The following PNPLA7 variants were observed in gnomAD, a reference collection of about 807,000 sequenced individuals.
PNPLA7 encodes the protein patatin-like phospholipase domain-containing protein 7.
In PNPLA7, 153 loss-of-function variants were observed where a neutral mutation model predicts 161.7. The ratio of observed to expected loss-of-function variants is 0.95; its 90% CI spans 0.83 to 1.08. The LOEUF is 1.08. PNPLA7 is among the 50% of genes least tolerant of loss of function. The probability of loss-of-function intolerance (pLI) is 0.00; values close to 1 mark genes in which losing one functional copy is unlikely to be tolerated. For missense variants in PNPLA7, 1,739 were observed against 1,856.6 expected (o/e 0.94, Z 1.16); for synonymous variants, 809 against 782.1 (o/e 1.03, Z -0.57).
At position 137,543,584 on chromosome 9, in the gene PNPLA7, A is replaced by G. The variant is rs758495655; in HGVS notation, c.366-12T>C. The G allele has an allele frequency of 1.2e-6, 2 of 1,609,528 alleles. No individual in the cohort carries two copies. Among genetic ancestry groups the G allele is most frequent in the African/African-American group, 2.7e-5 (2 of 74,862 alleles). On this transcript the variant is annotated splice_polypyrimidine_tract_variant and intron_variant, in intron 5 of 34. Transcript: ENST00000406427. This position sits in a 1 kb window ranked among gnomAD's most constrained non-coding sequence, Gnocchi z 6.9. ...TGAAACGCAGAATCCTACAAGGCAG[A>G]GACACACTAGCCTTGAGCAGACCAG...
rs1419319675 is a variant in PNPLA7, at chr9:137,524,759, G to A, written c.748-1902C>T. ...AACGAGTTTCCGTGGATGCCCCGTG[G>A]AATGAGTTTCCGTGGATGCCCCGTG... On this transcript the variant is annotated intron_variant, in intron 8 of 34. Coordinates refer to ENST00000406427, the MANE Select transcript of PNPLA7 (RefSeq NM_001098537.3). The surrounding 1 kb of genome is among the most constrained non-coding windows in gnomAD (Gnocchi z 4.4). 1.3e-5 allele frequency among the ~76,000 whole-genome samples: 2 copies of A among 152,090 alleles called. No individual in the cohort carries two copies. The highest frequency in any genetic ancestry group is 2.9e-5 in the Non-Finnish European group (2 of 68,016).
In PNPLA7 at chr9:137,547,255, A is replaced by T. The variant is rs1045443530; in HGVS notation, c.193+54T>A. ...CCAGGGGCTCAAAACACATCCCAAG[A>T]CACCCACGCTTTCCCCCAACCCCCC... On this transcript the variant is annotated intron_variant, in intron 3 of 34. Transcript: ENST00000406427. The surrounding 1 kb of genome is among the most constrained non-coding windows in gnomAD (Gnocchi z 4.6). The T allele has an allele frequency of 8.4e-6, 13 of 1,542,408 alleles. No homozygotes were observed. Among genetic ancestry groups the T allele is most frequent in the Non-Finnish European group, 1.2e-5 (13 of 1,116,322 alleles).
At chr9:137,470,920 C>T (rs1449239969) in intron 25 of PNPLA7, among the ~76,000 whole-genome samples, 1 of 152,226 alleles carries the variant, frequency 6.6e-6, no homozygotes, top group African/African-American at 2.4e-5. Flanking sequence ...TAAAAGGGAA[C>T]TTCCTCAGTC....
intron 8 of PNPLA7, among the ~76,000 whole-genome samples, chr9:137,532,251 A>C (rs997002111): frequency 6.6e-6 from 1 of 152,218 alleles, no homozygotes; most frequent in African/African-American, 2.4e-5. Context: ...AGCCTGGCCA[A>C]CATGGTGAAA....
chr9:137,536,724 G>C (rs1270428346), intron 8 of PNPLA7, among the ~76,000 whole-genome samples: 1 of 152,198 alleles, frequency 6.6e-6, no homozygotes, highest in Non-Finnish European at 1.5e-5. Flanking sequence ...TGGGAACGTA[G>C]CATGAGGCAT....
At chr9:137,501,396 C>T (rs1345073150) in intron 15 of PNPLA7, among the ~76,000 whole-genome samples, 1 of 152,240 alleles carries the variant, frequency 6.6e-6, no homozygotes, top group African/African-American at 2.4e-5. Context: ...GACCTCTTCC[C>T]AATCTGCTTG....
chr9:137,525,167 C>G (rs569836136), intron 8 of PNPLA7, among the ~76,000 whole-genome samples: 25 of 152,316 alleles, frequency 1.6e-4, no homozygotes, highest in African/African-American at 5.8e-4. Flanking sequence ...GGAAGCTAGA[C>G]ATCGAGTTGG....
rs747934562 is a variant in PNPLA7 at position 137,542,721 on chromosome 9, T to C, written c.587A>G (p.His196Arg). 45 of 1,613,464 alleles carry C rather than the reference T, an allele frequency of 2.8e-5. No homozygotes were observed. The highest frequency in any genetic ancestry group is 3.8e-5 in the Non-Finnish European group (45 of 1,180,010). ...IVFVQLQEGE[H>R]VFQPREPDPS... ...GTCCGGCTCCCTGGGCTGGAAGACGTGCTCCCCTTCCTGCAGCTGCACAAA... is the reference window on the plus strand; with the variant it reads ...GTCCGGCTCCCTGGGCTGGAAGACGCGCTCCCCTTCCTGCAGCTGCACAAA... Residue 196 changes from histidine (H) to arginine (R), a missense_variant, in exon 7 of 35, where the codon CAC becomes CGC. His to Arg is a conservative substitution (Grantham distance 29). Around this residue, in one of 6 missense-constraint regions of PNPLA7, gnomAD observed 209 missense variants for 252.8 expected, o/e 0.83. Coordinates refer to ENST00000406427, the MANE Select transcript of PNPLA7 (RefSeq NM_001098537.3).
rs777505872 is a variant in PNPLA7, at chr9:137,500,859, T to C, written c.1589A>G (p.His530Arg). The change falls in exon 16 of 35, where the codon CAC (histidine) becomes CGC (arginine). Residue 530 changes from histidine (H) to arginine (R), a missense_variant. Physicochemically the swap from His to Arg is conservative, Grantham distance 29. This residue lies in a region of PNPLA7 where 481 missense variants were observed against 450.0 expected (regional missense o/e 1.07). Transcript: ENST00000406427. The surrounding 1 kb of genome is among the most constrained non-coding windows in gnomAD (Gnocchi z 5.5). ...SILFVVSGLL[H>R]VYQRKIGSQE... ...GCTGCCGATCTTCCGCTGGTACACG[T>C]GCAGCAGCCCCGAGACCACGAACAG... The C allele has an allele frequency of 6.3e-7, 1 of 1,591,084 alleles. No homozygotes were observed.
intron 14 of PNPLA7, among the ~76,000 whole-genome samples, chr9:137,505,153 A>G (rs146795908): frequency 1.9e-3 from 240 of 124,492 alleles, no homozygotes; most frequent in African/African-American, 6.7e-3. Flanking sequence ...ATATCACTGC[A>G]CTCCAGCCTG....
chr9:137,463,670 C>G, intron 28 of PNPLA7, 139 bp from the exon 29 acceptor site: 1 of 638,382 alleles, frequency 1.6e-6, no homozygotes, highest in Non-Finnish European at 2.7e-6. Flanking sequence ...AGCTCATGGC[C>G]CAAGGGCTGA....
intron 4 of PNPLA7, among the ~76,000 whole-genome samples, chr9:137,544,610 C>T: frequency 6.6e-6 from 1 of 152,200 alleles, no homozygotes; most frequent in Admixed American, 6.5e-5. Context: ...CATCCCTCCC[C>T]TCTTGAGTTT....
rs1378518423 is a variant in PNPLA7 at position 137,490,281 on chromosome 9, G to C, written c.2197+2732C>G. Among the ~76,000 whole-genome samples the C allele has an allele frequency of 2.6e-5, 4 of 152,112 alleles. No individual in the cohort carries two copies. Among genetic ancestry groups the C allele is most frequent in the Non-Finnish European group, 5.9e-5 (4 of 68,030 alleles). On this transcript the variant is annotated intron_variant, in intron 20 of 34. Transcript: ENST00000406427. This position sits in a 1 kb window ranked among gnomAD's most constrained non-coding sequence, Gnocchi z 4.1. ...GATCATTTTTCAAATTTTATTCATA[G>C]AGACAGGGTCTCACTATGTTGCCCG...
rs185922850 is a variant in PNPLA7 at position 137,479,454 on chromosome 9, C to G, written c.2581-216G>C. The G allele has an allele frequency of 6.1e-5, 76 of 1,246,818 alleles. No individual in the cohort carries two copies. The African/African-American group carries it at 1.0e-3, about 17-fold the overall frequency. The allele number at this position is 1,246,818 out of a possible 1,614,324, so 77.2% of individuals were successfully genotyped here. ...CACTGTGTGCTGGGCAAGGTCAGTA[C>G]GGCAGGAGGGGGACGCCTCCTCTTT... is the stretch of plus-strand genomic sequence containing the variant. On this transcript the variant is annotated intron_variant, in intron 23 of 34. Transcript: ENST00000406427.
Position 137,545,790 on chromosome 9 carries a change from C to T in PNPLA7, c.273+1040G>A, listed in dbSNP as rs201713279. Among the ~76,000 whole-genome samples the T allele has an allele frequency of 4.0e-3, 546 of 137,518 alleles. 6 individuals are homozygous for T. The highest frequency in any genetic ancestry group is 7.2e-3 in the African/African-American group (270 of 37,360). The allele number at this position is 137,518 out of a possible 152,430, so 90.2% of individuals were successfully genotyped here. Reference sequence around the variant, plus strand: ...AAGAGTGCGAGCCTTCTGTTATGCCCGGACAGGGCCACCAGAGGGCTCCTT... The same window carrying T: ...AAGAGTGCGAGCCTTCTGTTATGCCTGGACAGGGCCACCAGAGGGCTCCTT... On this transcript the variant is annotated intron_variant, in intron 4 of 34. Transcript: ENST00000406427.
chr9:137,487,381 G>A (rs889314496), intron 20 of PNPLA7, among the ~76,000 whole-genome samples: 7 of 152,260 alleles, frequency 4.6e-5, no homozygotes, highest in Non-Finnish European at 8.8e-5. Context: ...GTGCAGGGCT[G>A]GCCAAGTGTC....
rs1833319276 is a variant in PNPLA7 at position 137,500,325 on chromosome 9, G to A, written c.1757+366C>T. The stretch of plus-strand genomic sequence containing the variant: ...GGCTGCAGAGGTGGGACGGCTCACG[G>A]CCCCTGAAGCCCGGCCCTGCCCCAA... On this transcript the variant is annotated intron_variant, in intron 16 of 34. Transcript: ENST00000406427. The surrounding 1 kb of genome is among the most constrained non-coding windows in gnomAD (Gnocchi z 5.5). Among the ~76,000 whole-genome samples, 1 of 152,236 alleles carries A rather than the reference G, an allele frequency of 6.6e-6. No individual in the cohort carries two copies. The highest frequency in any genetic ancestry group is 2.1e-4 in the South Asian group (1 of 4,830).
In PNPLA7 at chr9:137,486,383, G is replaced by C. The variant is rs1255271944; in HGVS notation, c.2198-1647C>G. ...TGGCTCGGAGAACCAGCGCACAGCCGGCAATCATGTGCTCACAGGAAAATA... is the reference window on the plus strand; with the variant it reads ...TGGCTCGGAGAACCAGCGCACAGCCCGCAATCATGTGCTCACAGGAAAATA... On this transcript the variant is annotated intron_variant, in intron 20 of 34. Transcript: ENST00000406427. The surrounding 1 kb of genome is among the most constrained non-coding windows in gnomAD (Gnocchi z 6.0). 6.6e-6 allele frequency among the ~76,000 whole-genome samples: 1 copy of C among 152,074 alleles called. No homozygotes were observed. The highest frequency in any genetic ancestry group is 1.5e-5 in the Non-Finnish European group (1 of 68,012).
chr9:137,480,920 G>C, intron 22 of PNPLA7, 40 bp downstream of exon 22: 1 of 1,546,838 alleles, frequency 6.5e-7, no homozygotes, highest in Non-Finnish European at 8.7e-7. Context: ...GGCTGCGTTG[G>C]GCCGGCTGGG....
Sources: allele counts gnomAD v4.1 joint callset (sites outside exome capture counted in the v4.1 genomes callset), GRCh38; gene constraint gnomAD v4.1.1; regional missense constraint gnomAD v4.1.1; non-coding constraint Gnocchi (gnomAD v3.1); transcripts MANE v1.5; gene names NCBI Gene and HGNC (gene_info 2026-07-23, HGNC 2026-07-21).